C2orf42: variants seen among roughly 807,000 people sequenced by gnomAD.
C2orf42 encodes chromosome 2 open reading frame 42, also known as uncharacterized protein C2orf42.
In C2orf42, 44 loss-of-function variants were observed where a neutral mutation model predicts 58.9. The ratio of observed to expected loss-of-function variants is 0.75; its 90% CI spans 0.59 to 0.96. C2orf42 has a LOEUF of 0.96. C2orf42 is among the 40% of genes least tolerant of loss of function. The pLI, the probability that C2orf42 is intolerant of heterozygous loss-of-function variation, is 0.00. For synonymous variants in C2orf42, 239 were observed against 265.4 expected (o/e 0.90, Z 0.97); for missense variants, 630 against 699.2 (o/e 0.90, Z 1.12).
At chr2:70,153,673 A>AT (rs1672456446) in intron 9 of C2orf42, among the ~76,000 whole-genome samples, 3 of 116,504 alleles carry the variant, frequency 2.6e-5, no homozygotes, top group South Asian at 4.9e-4. Flanking sequence ...AGAACAGGAA[A>AT]TTAAAAAAAA....
chr2:70,175,834 G>T (rs2104943041), intron 4 of C2orf42, 57 bp from the exon 5 acceptor site: 1 of 1,090,846 alleles, frequency 9.2e-7, no homozygotes, highest in Non-Finnish European at 1.4e-6. Context: ...AAATTGATTT[G>T]ATGTTAATTT....
At chr2:70,187,034 C>T (rs1432800113) in intron 1 of C2orf42, among the ~76,000 whole-genome samples, 5 of 151,856 alleles carry the variant, frequency 3.3e-5, no homozygotes, top group Admixed American at 6.6e-5. Flanking sequence ...AGCACACCAG[C>T]ATGGCACATG....
chr2:70,157,787 A>G (rs569167203), intron 9 of C2orf42, among the ~76,000 whole-genome samples: 2 of 152,236 alleles, frequency 1.3e-5, no homozygotes, highest in Admixed American at 1.3e-4. Context: ...ACAGAGCAAG[A>G]CTGTATCTGA....
At chr2:70,187,234 TTTATC>T (rs1250864054) in intron 1 of C2orf42, among the ~76,000 whole-genome samples, 2 of 150,004 alleles carry the variant, frequency 1.3e-5, no homozygotes, top group Non-Finnish European at 3.0e-5. Flanking sequence ...GTTCCACTCT[TTTATC>T]TTTTCTTTTA....
chr2:70,166,407 T>C (rs1317117557), intron 6 of C2orf42, among the ~76,000 whole-genome samples: 2 of 149,580 alleles, frequency 1.3e-5, no homozygotes, highest in South Asian at 2.1e-4. Context: ...GACTCACACC[T>C]GTAATCCCAG....
At chr2:70,164,221 T>C (rs574781846) in intron 8 of C2orf42, among the ~76,000 whole-genome samples, 122 of 151,874 alleles carry the variant, frequency 8.0e-4, no homozygotes, top group African/African-American at 2.7e-3. Context: ...GAGGATCACT[T>C]GATCCCAAGA....
intron 4 of C2orf42, among the ~76,000 whole-genome samples, chr2:70,177,257 A>G (rs1674254045): frequency 6.6e-6 from 1 of 150,596 alleles, no homozygotes; most frequent in Admixed American, 6.6e-5. Context: ...GGGAAACAAG[A>G]GCCGAACTCC....
intron 6 of C2orf42, among the ~76,000 whole-genome samples, chr2:70,168,206 C>T (rs1305656402): frequency 6.6e-6 from 1 of 151,636 alleles, no homozygotes; most frequent in Admixed American, 6.6e-5. Flanking sequence ...TGCACTCCAG[C>T]CTGGGCGACA....
Position 70,179,779 on chromosome 2 carries a change from C to A in C2orf42, c.824-137G>T, listed in dbSNP as rs965419243. ...TCCCAGGCTGGGCAACATAGGCAGA[C>A]CCCAACTCTACAAAAAATAAAAAAT... On this transcript the variant is annotated intron_variant, in intron 3 of 9. Transcript: ENST00000264434. The A allele has an allele frequency of 2.5e-5, 11 of 434,194 alleles. No individual in the cohort carries two copies. The South Asian group carries it at 2.6e-4, about 10-fold the overall frequency. The allele number at this position is 434,194 out of a possible 1,614,324, so 26.9% of individuals were successfully genotyped here. A position where few individuals can be genotyped will look rare whatever the true frequency, so the allele number is the denominator to read the frequency against.
At position 70,188,210 on chromosome 2, in the gene C2orf42, C is replaced by T. The variant is rs112128788; in HGVS notation, c.-282+2763G>A. Among the ~76,000 whole-genome samples the T allele has an allele frequency of 3.4e-3, 524 of 151,920 alleles. 5 individuals are homozygous for T. The highest frequency in any genetic ancestry group is 0.012 in the African/African-American group (497 of 41,466). ...TTTTATTTTATTTATTTTTTTGAGA[C>T]GGAGTCTTGCTCTGTCACCCAGGCT... On this transcript the variant is annotated intron_variant, in intron 1 of 9. Transcript: ENST00000264434.
Position 70,179,625 on chromosome 2 carries a change from C to G in C2orf42, c.841G>C (p.Val281Leu), listed in dbSNP as rs768036808. Residue 281 changes from valine (V) to leucine (L), a missense_variant, in exon 4 of 10, where the codon GTA (valine) becomes CTA (leucine). Physicochemically the swap from Val to Leu is conservative, Grantham distance 32. Coordinates refer to ENST00000264434, the MANE Select transcript of C2orf42 (RefSeq NM_017880.3). ...FDSSGLKEII[V>L]PQLGCHSEST... is the part of the protein sequence containing the mutation. Reference sequence around the variant, plus strand: ...TCTGAATGGCAACCTAACTGGGGTACAATAATCTCTTTAAGACCTAAAAAA... The same window carrying G: ...TCTGAATGGCAACCTAACTGGGGTAGAATAATCTCTTTAAGACCTAAAAAA... 1 of 1,469,870 alleles carries G rather than the reference C, an allele frequency of 6.8e-7. No individual in the cohort carries two copies. Among genetic ancestry groups the G allele is most frequent in the Non-Finnish European group, 9.5e-7 (1 of 1,050,490 alleles). 91.1% of individuals were successfully genotyped at this position (1,469,870 alleles called of 1,614,324 possible). A position where few individuals can be genotyped will look rare whatever the true frequency, so the allele number is the denominator to read the frequency against.
At chr2:70,188,979 A>G (rs528686689) in intron 1 of C2orf42, among the ~76,000 whole-genome samples, 2 of 152,344 alleles carry the variant, frequency 1.3e-5, no homozygotes, top group South Asian at 4.1e-4. Flanking sequence ...AGGCAACTCA[A>G]TGAAGAATAT....
At chr2:70,185,006 C>T (rs1482838650) in intron 1 of C2orf42, among the ~76,000 whole-genome samples, 3 of 151,774 alleles carry the variant, frequency 2.0e-5, no homozygotes, top group Non-Finnish European at 2.9e-5. Flanking sequence ...AGGAGAATGG[C>T]GTGAACCCGG....
intron 5 of C2orf42, among the ~76,000 whole-genome samples, chr2:70,172,932 G>A (rs1673925106): frequency 6.6e-6 from 1 of 152,138 alleles, no homozygotes; most frequent in Admixed American, 6.6e-5. Context: ...GGAGGCCAAG[G>A]CAGGCGGATC....
intron 9 of C2orf42, among the ~76,000 whole-genome samples, chr2:70,153,045 A>C (rs1040969509): frequency 5.3e-5 from 8 of 152,064 alleles, no homozygotes; most frequent in African/African-American, 1.9e-4. Flanking sequence ...AAAAAAAAAA[A>C]AAGTGAATAG....
At chr2:70,171,114 C>CAA (rs5832002) in intron 5 of C2orf42, among the ~76,000 whole-genome samples, 9 of 142,348 alleles carry the variant, frequency 6.3e-5, no homozygotes, top group Admixed American at 1.4e-4. Flanking sequence ...GACTCCATCT[C>CAA]AAAAAAAAAA....
At chr2:70,172,065 A>C (rs1447322999) in intron 5 of C2orf42, among the ~76,000 whole-genome samples, 1 of 151,578 alleles carries the variant, frequency 6.6e-6, no homozygotes, top group Non-Finnish European at 1.5e-5. Flanking sequence ...TCTACTAAAA[A>C]TACAAAAAAT....
chr2:70,179,041 T>C (rs1026131603), intron 4 of C2orf42, among the ~76,000 whole-genome samples: 1 of 152,074 alleles, frequency 6.6e-6, no homozygotes, highest in Admixed American at 6.6e-5. Context: ...AATATAACCA[T>C]TGTCACAAAA....
At chr2:70,168,782 G>C (rs1225518992) in intron 6 of C2orf42, among the ~76,000 whole-genome samples, 1 of 142,906 alleles carries the variant, frequency 7.0e-6, no homozygotes, top group East Asian at 2.2e-4. Flanking sequence ...GTGCGATCTT[G>C]GCTCACTGCA....
Sources: allele counts gnomAD v4.1 joint callset (sites outside exome capture counted in the v4.1 genomes callset), GRCh38; gene constraint gnomAD v4.1.1; transcripts MANE v1.5; gene names NCBI Gene and HGNC (gene_info 2026-07-23, HGNC 2026-07-21).